Variants in MGLL observed in about 807,000 individuals in gnomAD.
MGLL encodes the protein monoglyceride lipase, also known as lysophospholipase homolog.
Under a neutral mutation model 29.1 loss-of-function variants are expected in MGLL, and 7 were observed. That is an observed-to-expected ratio of 0.24 (90% CI 0.14 to 0.45). The LOEUF is 0.45. MGLL is among the 20% of genes least tolerant of loss of function. The probability of loss-of-function intolerance (pLI) is 0.99; values close to 1 mark genes in which losing one functional copy is unlikely to be tolerated. For missense variants in MGLL, 356 were observed against 413.6 expected (o/e 0.86, Z 1.21); for synonymous variants, 148 against 168.3 (o/e 0.88, Z 0.93).
At chr3:127,765,535 G>A (rs2076841264) in intron 3 of MGLL, among the ~76,000 whole-genome samples, 1 of 152,244 alleles carries the variant, frequency 6.6e-6, no homozygotes. Flanking sequence ...GCCCTCGGAA[G>A]AGCCACGTGT....
In MGLL at chr3:127,738,405, T is replaced by C. The variant is rs560117793; in HGVS notation, c.263-15839A>G. Among the ~76,000 whole-genome samples, 246 of 152,274 alleles carry C rather than the reference T, an allele frequency of 1.6e-3. 2 individuals are homozygous for C. Among genetic ancestry groups the C allele is most frequent in the Admixed American group, 0.015 (231 of 15,302 alleles). ...AGCAAACACAGGAGCAAGCCACGCCTTGGGAGGCCTTGTTTCTGGAATCAC... is the reference window on the plus strand; with the variant it reads ...AGCAAACACAGGAGCAAGCCACGCCCTGGGAGGCCTTGTTTCTGGAATCAC... On this transcript the variant is annotated intron_variant, in intron 3 of 7. Coordinates refer to ENST00000265052, the MANE Select transcript of MGLL (RefSeq NM_007283.7).
intron 3 of MGLL, among the ~76,000 whole-genome samples, chr3:127,724,909 C>T (rs1391435645): frequency 2.0e-5 from 3 of 152,118 alleles, no homozygotes; most frequent in Non-Finnish European, 4.4e-5. Flanking sequence ...TCTAAAATGG[C>T]CCTCTACGTT....
At chr3:127,809,795 A>T (rs2077630124) in intron 2 of MGLL, among the ~76,000 whole-genome samples, 1 of 152,168 alleles carries the variant, frequency 6.6e-6, no homozygotes, top group South Asian at 2.1e-4. Context: ...CCCTTGAGCC[A>T]GGTGGCCTGT....
chr3:127,701,824 C>T (rs1377548281), intron 6 of MGLL, among the ~76,000 whole-genome samples: 1 of 152,214 alleles, frequency 6.6e-6, no homozygotes, highest in African/African-American at 2.4e-5. Flanking sequence ...CCATCCCCTT[C>T]CACGGCCTTT....
chr3:127,715,800 C>G, intron 5 of MGLL: 1 of 456,780 alleles, frequency 2.2e-6, no homozygotes. Flanking sequence ...CTCCCACAAC[C>G]TCCATCCTGA....
chr3:127,714,761 G>A lies in MGLL; in HGVS notation c.511-4096C>T, dbSNP rs78266097. On this transcript the variant is annotated intron_variant, in intron 5 of 7. Coordinates refer to ENST00000265052, the MANE Select transcript of MGLL (RefSeq NM_007283.7). ...TGTGCAAAGAGGCAGGAGGGGACCCGGGTGGATACACCATTCACAGGAAAG... is the reference window on the plus strand; with the variant it reads ...TGTGCAAAGAGGCAGGAGGGGACCCAGGTGGATACACCATTCACAGGAAAG... 9.5e-4 allele frequency among the ~76,000 whole-genome samples: 145 copies of A among 152,274 alleles called. No homozygotes were observed. In the East Asian group the frequency reaches 0.023, roughly 24 times the overall value.
At chr3:127,741,493 C>T (rs1195718820) in intron 3 of MGLL, among the ~76,000 whole-genome samples, 1 of 152,240 alleles carries the variant, frequency 6.6e-6, no homozygotes, top group Non-Finnish European at 1.5e-5. Context: ...ACTCCTTTGT[C>T]AGCACGAGGC....
At chr3:127,745,788 G>C (rs906387413) in intron 3 of MGLL, among the ~76,000 whole-genome samples, 2 of 152,172 alleles carry the variant, frequency 1.3e-5, no homozygotes, top group Non-Finnish European at 2.9e-5. Flanking sequence ...AGGCCACACA[G>C]GCTTTCCCAA....
At chr3:127,785,156 C>G (rs904395458) in intron 2 of MGLL, among the ~76,000 whole-genome samples, 1 of 152,132 alleles carries the variant, frequency 6.6e-6, no homozygotes, top group Non-Finnish European at 1.5e-5. Context: ...CACCTCACCC[C>G]CTGTGAGCAC....
At chr3:127,727,067 G>A (rs73859592) in intron 3 of MGLL, among the ~76,000 whole-genome samples, 13,184 of 152,218 alleles carry the variant, frequency 0.087, 668 homozygotes, top group African/African-American at 0.13. Context: ...GCTAGTAAAT[G>A]CCTTACATCC....
intron 3 of MGLL, among the ~76,000 whole-genome samples, chr3:127,780,357 T>C (rs1213168486): frequency 2.6e-5 from 4 of 152,160 alleles, no homozygotes. Context: ...CGATGATGAG[T>C]GTAACAAATT....
chr3:127,730,893 T>C (rs1230845758), intron 3 of MGLL, among the ~76,000 whole-genome samples: 1 of 152,164 alleles, frequency 6.6e-6, no homozygotes, highest in African/African-American at 2.4e-5. Context: ...GCACCGTGCA[T>C]GTGCCCATGT....
chr3:127,799,434 C>G (rs1434616556), intron 2 of MGLL: 3 of 152,254 alleles, frequency 2.0e-5, no homozygotes, highest in Non-Finnish European at 4.4e-5. Flanking sequence ...CATGGGATTT[C>G]TGATGCTTCC....
intron 2 of MGLL, among the ~76,000 whole-genome samples, chr3:127,793,302 ACTG>A (rs2077331416): frequency 6.6e-6 from 1 of 152,234 alleles, no homozygotes; most frequent in Non-Finnish European, 1.5e-5. Context: ...AATTGCTAAA[ACTG>A]CAGGTTAAAA....
At chr3:127,785,872 G>A (rs2077203671) in intron 2 of MGLL, among the ~76,000 whole-genome samples, 1 of 152,208 alleles carries the variant, frequency 6.6e-6, no homozygotes, top group African/African-American at 2.4e-5. Flanking sequence ...TGAGCACCAT[G>A]AGGGGGTCGA....
intron 5 of MGLL, among the ~76,000 whole-genome samples, chr3:127,716,682 T>G (rs2075821940): frequency 6.6e-6 from 1 of 152,234 alleles, no homozygotes; most frequent in African/African-American, 2.4e-5. Context: ...CTAAGTGAAT[T>G]TCACTTCTGC....
chr3:127,724,655 A>G (rs986067651), intron 3 of MGLL, among the ~76,000 whole-genome samples: 3 of 152,120 alleles, frequency 2.0e-5, no homozygotes, highest in South Asian at 4.1e-4. Context: ...CATGTGGAAC[A>G]TCTCTCTGGA....
chr3:127,786,602 G>T (rs149034145), intron 2 of MGLL, among the ~76,000 whole-genome samples: 1 of 152,214 alleles, frequency 6.6e-6, no homozygotes, highest in Admixed American at 6.5e-5. Context: ...TGAACAAGCC[G>T]CAGAGCCTCT....
In MGLL at chr3:127,772,215, A is replaced by G. The variant is rs117287677; in HGVS notation, c.262+9574T>C. ...TTGTGCAGACTTGCCAAGGCCGCAC[A>G]GGTAGTAAAGGATGAAGCCACAATT... On this transcript the variant is annotated intron_variant, in intron 3 of 7. Transcript: ENST00000265052. 2.3e-4 allele frequency among the ~76,000 whole-genome samples: 35 copies of G among 152,346 alleles called. No individual in the cohort carries two copies. The East Asian group carries it at 6.6e-3, about 29-fold the overall frequency.
Sources: allele counts gnomAD v4.1 joint callset (sites outside exome capture counted in the v4.1 genomes callset), GRCh38; gene constraint gnomAD v4.1.1; transcripts MANE v1.5; gene names NCBI Gene and HGNC (gene_info 2026-07-23, HGNC 2026-07-21).